WDR62: variants seen among roughly 807,000 people sequenced by gnomAD.
The protein encoded by WDR62 is WD repeat-containing protein 62.
Under a neutral mutation model 160.6 loss-of-function variants are expected in WDR62, and 112 were observed. That is an observed-to-expected ratio of 0.70 (90% CI 0.60 to 0.82). The LOEUF (loss-of-function observed/expected upper bound fraction) is 0.82. Ranked by LOEUF, WDR62 falls within the 40% of genes least tolerant of loss-of-function variation. WDR62 has a pLI of 0.00. For missense variants in WDR62, 1,819 were observed against 1,983.8 expected, an observed-to-expected ratio of 0.92 and a Z score of 1.58; for synonymous variants, 792 against 815.1, an observed-to-expected ratio of 0.97 and a Z score of 0.48.
chr19:36,081,912 G>T, intron 10 of WDR62: 1 of 484,816 alleles, frequency 2.1e-6, no homozygotes, highest in Non-Finnish European at 4.1e-6. Context: ...CACCTGATGA[G>T]CCAGCCCATT....
chr19:36,108,505 C>T (rs778656149), downstream of WDR62, among the ~76,000 whole-genome samples: 39 of 152,098 alleles, frequency 2.6e-4, no homozygotes, highest in Admixed American at 1.2e-3. Context: ...GGAGACACCA[C>T]CTGAAACCCC....
At chr19:36,069,371 GGC>G in intron 7 of WDR62, among the ~76,000 whole-genome samples, 1 of 152,206 alleles carries the variant, frequency 6.6e-6, no homozygotes, top group African/African-American at 2.4e-5. Flanking sequence ...GCCGGGTAGA[GGC>G]GCTCCTCACA....
At chr19:36,087,477 C>T (rs906750918) in intron 13 of WDR62, among the ~76,000 whole-genome samples, 6 of 148,996 alleles carry the variant, frequency 4.0e-5, no homozygotes, top group Non-Finnish European at 7.4e-5. Context: ...AGTGACTCCA[C>T]TCCAGCTTGG....
chr19:36,109,310 C>G (rs1398543292), downstream of WDR62, among the ~76,000 whole-genome samples: 2 of 152,206 alleles, frequency 1.3e-5, no homozygotes, highest in Non-Finnish European at 2.9e-5. Context: ...AGGTACCCCT[C>G]TTTTCCCCAT....
the WDR62 span, chr19:36,111,013 G>A: frequency 5.1e-6 from 3 of 587,436 alleles, no homozygotes; most frequent in Admixed American, 3.0e-5. Context: ...GGGAGAAGAT[G>A]GGCAGGTCCC....
intron 2 of WDR62, among the ~76,000 whole-genome samples, chr19:36,059,478 G>A (rs1021932760): frequency 2.0e-5 from 3 of 152,010 alleles, no homozygotes; most frequent in Admixed American, 6.6e-5. Flanking sequence ...TGGCTGTGTT[G>A]CCCAGGCTAG....
the WDR62 span, among the ~76,000 whole-genome samples, chr19:36,110,949 G>A: frequency 6.6e-6 from 1 of 152,152 alleles, no homozygotes; most frequent in African/African-American, 2.4e-5. Context: ...GGCTCTGCTT[G>A]GTGGTCCTAG....
intron 11 of WDR62, among the ~76,000 whole-genome samples, chr19:36,084,432 C>T (rs1237269849): frequency 6.6e-6 from 1 of 152,162 alleles, no homozygotes; most frequent in African/African-American, 2.4e-5. Context: ...GGCCCAGGCA[C>T]CACAAGGGGC....
At chr19:36,109,940 AG>A (rs1973779013), downstream of WDR62, among the ~76,000 whole-genome samples, 1 of 151,448 alleles carries the variant, frequency 6.6e-6, no homozygotes, top group African/African-American at 2.4e-5. Context: ...CTGTAATCCC[AG>A]CTACTTGGAA....
At chr19:36,097,925 G>T (rs778277313) in intron 21 of WDR62, among the ~76,000 whole-genome samples, 3 of 152,122 alleles carry the variant, frequency 2.0e-5, no homozygotes, top group Non-Finnish European at 4.4e-5. Flanking sequence ...GTGTTGGGGG[G>T]TGTCAGTTTT....
At position 36,066,292 on chromosome 19, in the gene WDR62, G is replaced by T. The variant is rs755147235; in HGVS notation, c.426G>T (p.Val142=). ...GGCCTGCTGTGCGCATCTGGGATGT[G>T]GAGGAGAAGAATCAGGTGGCGGAGA... ...GHRPAVRIWD[V]EEKNQVAEML... The change falls in exon 5 of 32, where the codon GTG becomes GTT. Residue 142 remains valine (V), a synonymous_variant. Coordinates refer to ENST00000401500, the MANE Select transcript of WDR62 (RefSeq NM_001083961.2). The T allele has an allele frequency of 1.2e-6, 2 of 1,614,206 alleles. No homozygotes were observed. The highest frequency in any genetic ancestry group is 1.7e-6 in the Non-Finnish European group (2 of 1,180,024).
chr19:36,108,351 T>C (rs1481823347), downstream of WDR62, among the ~76,000 whole-genome samples: 1 of 152,032 alleles, frequency 6.6e-6, no homozygotes, highest in Non-Finnish European at 1.5e-5. Flanking sequence ...CATCTTTCAC[T>C]GCAACTCCCC....
At chr19:36,108,726 CG>C (rs1568377186), downstream of WDR62, among the ~76,000 whole-genome samples, 1 of 151,944 alleles carries the variant, frequency 6.6e-6, no homozygotes, top group African/African-American at 2.4e-5. Flanking sequence ...TGGTGGTGCA[CG>C]CCTGTAGTCC....
In WDR62 at chr19:36,067,906, T is replaced by C. The variant is rs757091694; in HGVS notation, c.778T>C (p.Cys260Arg). Residue 260 changes from cysteine to arginine, a missense_variant, in exon 7 of 32, where the codon TGC becomes CGC. By Grantham distance (180) the Cys-to-Arg change is radical (BLOSUM62 -3). Around this residue, in one of 3 missense-constraint regions of WDR62, gnomAD observed 934 missense variants for 1,157.2 expected, o/e 0.81. Transcript: ENST00000401500. The part of the protein sequence containing the change: ...LHNNIFCGVA[C>R]GRGRMAGSTF... ...CAACAACATCTTCTGTGGTGTGGCC[T>C]GCGGTCGGGGCCGGATGGCGGGCAG... The C allele has an allele frequency of 1.1e-5, 17 of 1,614,096 alleles. No individual in the cohort carries two copies. Among genetic ancestry groups the C allele is most frequent in the Non-Finnish European group, 1.4e-5 (17 of 1,180,042 alleles).
rs758308568 is a variant in WDR62 at position 36,104,667 on chromosome 19, T to C, written c.4303T>C (p.Tyr1435His). The stretch of plus-strand genomic sequence containing the variant: ...CACCTTCCAAGAAGCCCTCGACCTT[T>C]ACCGTGTGGTGAGCTAAGCCCCAGA... ...QTTFQEALDL[Y>H]RVLVSSGQVD... Residue 1435 changes from tyrosine (Y) to histidine (H), a missense_variant, in exon 31 of 32, where the codon TAC (tyrosine) becomes CAC (histidine). Transcript: ENST00000401500. 1.9e-6 allele frequency: 3 copies of C among 1,614,100 alleles called. No homozygotes were observed. The highest frequency in any genetic ancestry group is 1.6e-4 in the Middle Eastern group (1 of 6,062).
intron 8 of WDR62, 133 bp downstream of exon 8, chr19:36,071,849 AT>A: frequency 7.9e-7 from 1 of 1,262,486 alleles, no homozygotes; most frequent in Non-Finnish European, 1.1e-6. Context: ...AGCCCTGGGC[AT>A]TACAAAGCAG....
chr19:36,096,158 A>G (rs1158748153), intron 20 of WDR62, among the ~76,000 whole-genome samples: 1 of 152,060 alleles, frequency 6.6e-6, no homozygotes, highest in Admixed American at 6.5e-5. Context: ...TAGCACAATC[A>G]TAGCTCACTG....
chr19:36,063,727 G>A (rs1169677453), intron 3 of WDR62, among the ~76,000 whole-genome samples: 2 of 152,242 alleles, frequency 1.3e-5, no homozygotes, highest in African/African-American at 4.8e-5. Flanking sequence ...GACTGGTGGT[G>A]TTCACTGGGA....
chr19:36,104,539 G>A lies in WDR62; in HGVS notation c.4175G>A (p.Gly1392Asp). 1 of 1,613,880 alleles carries A rather than the reference G, an allele frequency of 6.2e-7. No individual in the cohort carries two copies. The highest frequency in any genetic ancestry group is 8.5e-7 in the Non-Finnish European group (1 of 1,180,000). The change falls in exon 31 of 32, where the codon GGC becomes GAC. Residue 1392 changes from glycine (G) to aspartate (D), a missense_variant. This residue lies in a region of WDR62 where 770 missense variants were observed against 734.2 expected (regional missense o/e 1.05). Coordinates refer to ENST00000401500, the MANE Select transcript of WDR62 (RefSeq NM_001083961.2). ...PTSGALGLLQGSPARWSEPWV... is the reference protein window; with the variant it reads ...PTSGALGLLQDSPARWSEPWV... The stretch of plus-strand genomic sequence containing the variant: ...CCAGGTGCACTTGGTCTGTTACAGG[G>A]CAGCCCTGCCCGCTGGAGTGAGCCC...
Sources: gnomAD v4.1 joint callset for allele counts (sites outside exome capture counted in the v4.1 genomes callset) on GRCh38, gnomAD v4.1.1 for gene constraint, gnomAD v4.1.1 regional missense constraint, MANE v1.5 for transcripts, NCBI Gene and HGNC (gene_info 2026-07-23, HGNC 2026-07-21) for gene names.